Variants in ADD3 observed in about 807,000 individuals in gnomAD.
ADD3 encodes gamma-adducin.
ADD3 carries 25 observed loss-of-function variants against 80.2 expected under a neutral mutation model. The ratio of observed to expected loss-of-function variants is 0.31; its 90% CI spans 0.23 to 0.44. ADD3 has a LOEUF of 0.44. Among genes scored for constraint, ADD3 ranks in the 20% least tolerant of loss-of-function variants. The probability of loss-of-function intolerance (pLI) is 1.00; values close to 1 mark genes in which losing one functional copy is unlikely to be tolerated. For missense variants in ADD3, 829 were observed against 847.5 expected (o/e 0.98, Z 0.27); for synonymous variants, 284 against 289.6 (o/e 0.98, Z 0.20).
intron 1 of ADD3, among the ~76,000 whole-genome samples, chr10:110,090,917 GA>G (rs1847421572): frequency 6.6e-6 from 1 of 152,118 alleles, no homozygotes; most frequent in Non-Finnish European, 1.5e-5. Context: ...AACAACTATA[GA>G]TTTATTATTT....
chr10:110,133,459 C>T lies in ADD3; in HGVS notation c.1962C>T (p.Thr654=), dbSNP rs1321914064. ...KRVSRLSTST[T]IENIEITIKS... is the part of the protein sequence containing the mutation. ...TGAGTAGGTTAAGCACAAGTACAAC[C>T]ATAGAAAACATCGAGATTACTATTA... Residue 654 remains threonine (T), a synonymous_variant, in exon 15 of 15, where the codon ACC becomes ACT. Coordinates refer to ENST00000356080, the MANE Select transcript of ADD3 (RefSeq NM_016824.5). The T allele has an allele frequency of 1.2e-6, 2 of 1,613,742 alleles. No individual in the cohort carries two copies. Among genetic ancestry groups the T allele is most frequent in the Non-Finnish European group, 1.7e-6 (2 of 1,179,816 alleles).
intron 1 of ADD3, among the ~76,000 whole-genome samples, chr10:110,026,836 A>G (rs1420877004): frequency 6.6e-6 from 1 of 151,186 alleles, no homozygotes; most frequent in Non-Finnish European, 1.5e-5. Flanking sequence ...AGAGAATAAT[A>G]TGTCAGTTAA....
intron 1 of ADD3, among the ~76,000 whole-genome samples, chr10:110,029,513 T>C (rs1854735737): frequency 6.6e-6 from 1 of 152,178 alleles, no homozygotes; most frequent in East Asian, 1.9e-4. Context: ...TGCTATATAT[T>C]TTGAGATATT....
At chr10:110,125,505 A>G (rs1198516852) in intron 10 of ADD3, among the ~76,000 whole-genome samples, 2 of 151,812 alleles carry the variant, frequency 1.3e-5, no homozygotes, top group Non-Finnish European at 2.9e-5. Context: ...AAAACACTGA[A>G]TGTGAGTGAA....
intron 4 of ADD3, 99 bp downstream of exon 4, chr10:110,116,509 T>C (rs1300353347): frequency 2.3e-5 from 29 of 1,258,692 alleles, no homozygotes; most frequent in Admixed American, 4.3e-5. Context: ...TTCAGACTTA[T>C]TCTCTAAACC....
At chr10:110,061,871 C>T (rs1379676912) in intron 1 of ADD3, among the ~76,000 whole-genome samples, 2 of 152,060 alleles carry the variant, frequency 1.3e-5, no homozygotes, top group African/African-American at 4.8e-5. Context: ...GAGTTAAAAT[C>T]AGAGCTAGAA....
chr10:110,038,720 C>G (rs1405228864), intron 1 of ADD3, among the ~76,000 whole-genome samples: 2 of 152,058 alleles, frequency 1.3e-5, no homozygotes, highest in Non-Finnish European at 2.9e-5. Context: ...CCTACAGAGT[C>G]CAAATGTGAA....
chr10:110,111,048 G>A (rs2134036418), intron 2 of ADD3, among the ~76,000 whole-genome samples: 1 of 152,126 alleles, frequency 6.6e-6, no homozygotes, highest in South Asian at 2.1e-4. Context: ...CTCCATCTAA[G>A]CGGAGATTCC....
intron 5 of ADD3, 27 bp from the exon 6 acceptor site, chr10:110,118,560 T>TA (rs761796775): frequency 6.2e-7 from 1 of 1,606,940 alleles, no homozygotes; most frequent in Admixed American, 1.7e-5. Flanking sequence ...ATATACCAGT[T>TA]AAATATGTCC....
At chr10:110,043,757 G>A (rs1856620466) in intron 1 of ADD3, among the ~76,000 whole-genome samples, 1 of 152,174 alleles carries the variant, frequency 6.6e-6, no homozygotes, top group Non-Finnish European at 1.5e-5. Context: ...ATCAGAAATA[G>A]ATTCTTTTCT....
intron 3 of ADD3, among the ~76,000 whole-genome samples, chr10:110,113,162 C>T (rs958876373): frequency 2.0e-5 from 3 of 152,144 alleles, no homozygotes; most frequent in African/African-American, 4.8e-5. Context: ...TCAGTAGTCC[C>T]AGCCACATGG....
chr10:110,039,745 A>G (rs1459847753), intron 1 of ADD3, among the ~76,000 whole-genome samples: 5 of 152,200 alleles, frequency 3.3e-5, no homozygotes, highest in African/African-American at 1.2e-4. Context: ...GTTGCAGTCA[A>G]GCTGCTGGCT....
At chr10:110,005,931 T>C (rs1851601755), upstream of ADD3, 1 of 177,900 alleles carries the variant, frequency 5.6e-6, no homozygotes, top group South Asian at 9.1e-5. Flanking sequence ...ATGGTAATTG[T>C]AGAGTTTACT....
intron 8 of ADD3, among the ~76,000 whole-genome samples, chr10:110,120,054 C>T (rs1172528694): frequency 3.4e-4 from 51 of 149,910 alleles, no homozygotes; most frequent in Non-Finnish European, 5.9e-5. Flanking sequence ...ATTTAAAGGC[C>T]CTAATTTTCT....
intron 1 of ADD3, among the ~76,000 whole-genome samples, chr10:110,071,168 T>C (rs1041700629): frequency 5.9e-5 from 9 of 152,286 alleles, no homozygotes; most frequent in Non-Finnish European, 7.4e-5. Context: ...GTAAAACATA[T>C]TTTTCCAAGT....
chr10:110,048,306 C>T (rs1319411688), intron 1 of ADD3, among the ~76,000 whole-genome samples: 1 of 152,126 alleles, frequency 6.6e-6, no homozygotes. Flanking sequence ...ATGTCTTTAT[C>T]AGCAGCATGA....
At chr10:110,027,534 A>C (rs1447430036) in intron 1 of ADD3, among the ~76,000 whole-genome samples, 1 of 152,192 alleles carries the variant, frequency 6.6e-6, no homozygotes, top group Non-Finnish European at 1.5e-5. Flanking sequence ...CAGCATAAAA[A>C]ATTTTTACTC....
At chr10:110,079,858 T>C (rs973142806) in intron 1 of ADD3, among the ~76,000 whole-genome samples, 1 of 152,204 alleles carries the variant, frequency 6.6e-6, no homozygotes, top group Non-Finnish European at 1.5e-5. Flanking sequence ...TTCTTTTTAA[T>C]GGCTTTATAG....
chr10:110,086,214 A>T (rs1185365944), intron 1 of ADD3, among the ~76,000 whole-genome samples: 1 of 152,130 alleles, frequency 6.6e-6, no homozygotes, highest in Non-Finnish European at 1.5e-5. Flanking sequence ...GGTCAAGACC[A>T]TCCTGGCCAA....
Sources: allele counts gnomAD v4.1 joint callset (sites outside exome capture counted in the v4.1 genomes callset), GRCh38; gene constraint gnomAD v4.1.1; transcripts MANE v1.5; gene names NCBI Gene and HGNC (gene_info 2026-07-23, HGNC 2026-07-21).